The following LRRC72 variants were observed in gnomAD, a reference collection of about 807,000 sequenced individuals.
LRRC72 encodes the protein leucine rich repeat containing 72.
In LRRC72, 41 loss-of-function variants were observed where a neutral mutation model predicts 35.8. The ratio of observed to expected loss-of-function variants is 1.15; its 90% CI spans 0.89 to 1.49. The LOEUF (loss-of-function observed/expected upper bound fraction) is 1.49. LRRC72 is among the 40% of genes most tolerant of loss of function. The pLI is 0.00. For synonymous variants in LRRC72, 118 were observed against 119.2 expected (o/e 0.99, Z 0.07); for missense variants, 389 against 330.7 (o/e 1.18, Z -1.37).
chr7:16,562,152 C>A (rs538487365), intron 5 of LRRC72, among the ~76,000 whole-genome samples: 1 of 152,144 alleles, frequency 6.6e-6, no homozygotes. Context: ...GTCCTGGGAA[C>A]TGGAATTCCT....
intron 7 of LRRC72, among the ~76,000 whole-genome samples, chr7:16,576,440 C>T (rs867137948): frequency 3.3e-5 from 5 of 152,158 alleles, no homozygotes; most frequent in African/African-American, 1.2e-4. Flanking sequence ...TTTTATTATC[C>T]TTCATCTGAA....
intron 3 of LRRC72, among the ~76,000 whole-genome samples, chr7:16,547,284 G>A (rs1583640839): frequency 6.6e-6 from 1 of 152,208 alleles, no homozygotes; most frequent in Non-Finnish European, 1.5e-5. Context: ...CCCACTGGTG[G>A]AGGAGCAGTG....
At chr7:16,527,928 G>T (rs917370723) in intron 1 of LRRC72, among the ~76,000 whole-genome samples, 1 of 152,032 alleles carries the variant, frequency 6.6e-6, no homozygotes, top group African/African-American at 2.4e-5. Flanking sequence ...GGCATCGGGT[G>T]GTGGAAGAAG....
intron 3 of LRRC72, among the ~76,000 whole-genome samples, chr7:16,553,594 C>T (rs1008167078): frequency 6.6e-6 from 1 of 152,158 alleles, no homozygotes; most frequent in African/African-American, 2.4e-5. Flanking sequence ...TCCCAGGGGG[C>T]ATTTCACAAT....
intron 7 of LRRC72, among the ~76,000 whole-genome samples, chr7:16,574,497 A>G (rs147485949): frequency 0.049 from 7,495 of 152,248 alleles, 302 homozygotes; most frequent in East Asian, 0.2. Context: ...TGTCCTTTGC[A>G]GGGATGTGGA....
chr7:16,569,708 A>G (rs1370973679), intron 7 of LRRC72, among the ~76,000 whole-genome samples: 2 of 151,234 alleles, frequency 1.3e-5, no homozygotes, highest in African/African-American at 4.9e-5. Flanking sequence ...CAAGAGAGGA[A>G]GGGAAGGGAA....
chr7:16,549,240 C>A (rs773725346), intron 3 of LRRC72, among the ~76,000 whole-genome samples: 1 of 152,104 alleles, frequency 6.6e-6, no homozygotes, highest in Non-Finnish European at 1.5e-5. Flanking sequence ...GACATCATGG[C>A]TAAGAATATT....
chr7:16,528,187 T>C (rs531710719), intron 1 of LRRC72, among the ~76,000 whole-genome samples: 6 of 152,300 alleles, frequency 3.9e-5, no homozygotes, highest in African/African-American at 1.4e-4. Context: ...TTTCTTCTTC[T>C]ACCTCACTTG....
intron 1 of LRRC72, among the ~76,000 whole-genome samples, chr7:16,528,606 C>A (rs1202002299): frequency 6.6e-6 from 1 of 152,252 alleles, no homozygotes; most frequent in South Asian, 2.1e-4. Context: ...CCTGCCCCCA[C>A]CCTGAGGGGG....
At chr7:16,562,529 G>A (rs1008181863) in intron 5 of LRRC72, among the ~76,000 whole-genome samples, 1 of 152,138 alleles carries the variant, frequency 6.6e-6, no homozygotes, top group Non-Finnish European at 1.5e-5. Context: ...GCTTCCTACC[G>A]GAGCTTCCAG....
rs1378290092 is a variant in LRRC72, at chr7:16,526,939, G to A, written c.-14G>A. The A allele has an allele frequency of 4.6e-6, 7 of 1,537,772 alleles. No individual in the cohort carries two copies. Among genetic ancestry groups the A allele is most frequent in the South Asian group, 1.2e-5 (1 of 84,042 alleles). On this transcript the variant is annotated 5_prime_UTR_variant, in exon 1 of 9. Transcript: ENST00000401542. ...CGGATTAATCACCGCTGCTTCGGCC[G>A]CCCATGTGTCCTGATGTCCTGGGAC...
At chr7:16,535,072 C>T (rs1782230203) in intron 2 of LRRC72, among the ~76,000 whole-genome samples, 1 of 151,854 alleles carries the variant, frequency 6.6e-6, no homozygotes, top group African/African-American at 2.4e-5. Context: ...ACCTGTGGTC[C>T]CAGCTACTTA....
At chr7:16,563,714 A>G (rs2128337888) in intron 5 of LRRC72, among the ~76,000 whole-genome samples, 1 of 152,338 alleles carries the variant, frequency 6.6e-6, no homozygotes, top group East Asian at 1.9e-4. Flanking sequence ...AGAGTTAAAA[A>G]TATGATTGCT....
chr7:16,530,627 C>T (rs1259826647), intron 1 of LRRC72: 3 of 152,200 alleles, frequency 2.0e-5, no homozygotes, highest in Admixed American at 6.5e-5. Context: ...GTCAATTTAA[C>T]CTGCATTCCA....
chr7:16,544,592 T>C (rs1299424761), intron 3 of LRRC72, among the ~76,000 whole-genome samples: 1 of 152,326 alleles, frequency 6.6e-6, no homozygotes, highest in East Asian at 1.9e-4. Context: ...AAGGTTGAGT[T>C]AGGCTCAGAT....
intron 3 of LRRC72, among the ~76,000 whole-genome samples, chr7:16,554,396 C>T (rs887073567): frequency 6.6e-6 from 1 of 152,110 alleles, no homozygotes; most frequent in Non-Finnish European, 1.5e-5. Context: ...AATAGCATAT[C>T]TTATAATGTT....
chr7:16,533,656 AT>A (rs1466654219), intron 2 of LRRC72, among the ~76,000 whole-genome samples: 1 of 152,038 alleles, frequency 6.6e-6, no homozygotes, highest in Non-Finnish European at 1.5e-5. Flanking sequence ...TATTAAACAT[AT>A]TTATTTTATT....
chr7:16,536,357 C>G (rs1174486893), intron 2 of LRRC72, among the ~76,000 whole-genome samples: 5 of 151,858 alleles, frequency 3.3e-5, no homozygotes, highest in Non-Finnish European at 7.4e-5. Flanking sequence ...GATTACATTA[C>G]TGAATTCAAT....
intron 5 of LRRC72, among the ~76,000 whole-genome samples, chr7:16,560,738 A>G (rs895411702): frequency 7.2e-5 from 11 of 152,096 alleles, no homozygotes; most frequent in Non-Finnish European, 1.5e-4. Context: ...TTGAAGCAAC[A>G]ACAAAAATTG....
Sources: allele counts gnomAD v4.1 joint callset (sites outside exome capture counted in the v4.1 genomes callset), GRCh38; gene constraint gnomAD v4.1.1; transcripts MANE v1.5; gene names NCBI Gene and HGNC (gene_info 2026-07-23, HGNC 2026-07-21).